The following SEMA6D variants were observed in gnomAD, a reference collection of about 807,000 sequenced individuals.
The protein encoded by SEMA6D is semaphorin-6D.
SEMA6D carries 35 observed loss-of-function variants against 106.6 expected under a neutral mutation model. The ratio of observed to expected loss-of-function variants is 0.33; its 90% CI spans 0.25 to 0.44. The LOEUF (loss-of-function observed/expected upper bound fraction) is 0.44. Among genes scored for constraint, SEMA6D ranks in the 20% least tolerant of loss-of-function variants. The pLI is 1.00. For synonymous variants in SEMA6D, 499 were observed against 487.7 expected, an observed-to-expected ratio of 1.02 and a Z score of -0.31; for missense variants, 1,185 against 1,345.9, an observed-to-expected ratio of 0.88 and a Z score of 1.87.
At chr15:47,689,099 C>G (rs548026484) in intron 4 of SEMA6D, among the ~76,000 whole-genome samples, 26 of 152,134 alleles carry the variant, frequency 1.7e-4, no homozygotes, top group African/African-American at 5.8e-4. Context: ...TACAGTAATG[C>G]CCTTCCCATA....
At chr15:47,296,988 G>T (rs75474152) in intron 1 of SEMA6D, among the ~76,000 whole-genome samples, 4,298 of 152,026 alleles carry the variant, frequency 0.028, 78 homozygotes, top group Middle Eastern at 0.054. Context: ...TCTTCCCCCC[G>T]CAAAACAGTT....
intron 2 of SEMA6D, among the ~76,000 whole-genome samples, chr15:47,451,492 G>A (rs1324776230): frequency 6.6e-6 from 1 of 151,980 alleles, no homozygotes; most frequent in East Asian, 1.9e-4. Flanking sequence ...ATAAATATAA[G>A]TGCTGGATGG....
chr15:47,398,499 G>A (rs548008674), intron 1 of SEMA6D, among the ~76,000 whole-genome samples: 1 of 152,300 alleles, frequency 6.6e-6, no homozygotes, highest in East Asian at 1.9e-4. Flanking sequence ...CAGGGTTTTG[G>A]GAGGGGGATG....
intron 4 of SEMA6D, among the ~76,000 whole-genome samples, chr15:47,604,435 C>T (rs960981212): frequency 1.3e-5 from 2 of 152,144 alleles, no homozygotes; most frequent in Non-Finnish European, 2.9e-5. Context: ...GGGTATCCTT[C>T]CACTACTTAT....
At chr15:47,287,364 T>C (rs2035412691) in intron 1 of SEMA6D, among the ~76,000 whole-genome samples, 1 of 152,204 alleles carries the variant, frequency 6.6e-6, no homozygotes, top group South Asian at 2.1e-4. Context: ...ATATAGTCTT[T>C]GAAGGAAAAG....
intron 1 of SEMA6D, among the ~76,000 whole-genome samples, chr15:47,305,369 G>A (rs1014126443): frequency 6.6e-5 from 10 of 152,274 alleles, no homozygotes; most frequent in African/African-American, 1.9e-4. Context: ...GAGCAATGTG[G>A]CATTGACTAT....
chr15:47,673,387 A>G (rs981525973), intron 4 of SEMA6D, among the ~76,000 whole-genome samples: 1 of 152,178 alleles, frequency 6.6e-6, no homozygotes, highest in Non-Finnish European at 1.5e-5. Context: ...CAGAATCAAC[A>G]TGAGCTGAAA....
Position 47,771,605 on chromosome 15 carries a change from A to C in SEMA6D, c.3042A>C (p.Gly1014=). The C allele has an allele frequency of 6.2e-7, 1 of 1,614,118 alleles. No individual in the cohort carries two copies. The highest frequency in any genetic ancestry group is 2.2e-5 in the East Asian group (1 of 44,872). Residue 1014 remains glycine, a synonymous_variant, in exon 19 of 19, where the codon GGA becomes GGC. Transcript: ENST00000536845. ...GGGCGAAGGTGGACTATATTCAGGGAACACCAGTGAGTGTTCATCTGCAGC... is the reference window on the plus strand; with the variant it reads ...GGGCGAAGGTGGACTATATTCAGGGCACACCAGTGAGTGTTCATCTGCAGC... ...PTGAKVDYIQ[G]TPVSVHLQPS... is the part of the protein sequence containing the mutation.
At chr15:47,387,596 CT>C (rs1374697807) in intron 1 of SEMA6D, among the ~76,000 whole-genome samples, 1 of 152,156 alleles carries the variant, frequency 6.6e-6, no homozygotes, top group East Asian at 1.9e-4. Flanking sequence ...TTTATTTCTT[CT>C]AATTATATGA....
At chr15:47,460,992 C>T (rs577279486) in intron 2 of SEMA6D, among the ~76,000 whole-genome samples, 2 of 152,228 alleles carry the variant, frequency 1.3e-5, no homozygotes, top group East Asian at 3.9e-4. Flanking sequence ...CCTACTTCCT[C>T]TTCCTGCTTC....
chr15:47,201,498 A>G (rs906206255), intron 1 of SEMA6D, among the ~76,000 whole-genome samples: 9 of 152,212 alleles, frequency 5.9e-5, no homozygotes, highest in Admixed American at 3.3e-4. Context: ...TCAGAAGGAT[A>G]GTTTTAATAA....
At chr15:47,748,130 G>A (rs1018891011) in intron 1 of SEMA6D, among the ~76,000 whole-genome samples, 22 of 152,180 alleles carry the variant, frequency 1.4e-4, no homozygotes, top group African/African-American at 5.3e-4. Context: ...GTGAAAAGAG[G>A]CATCTGTTGC....
intron 1 of SEMA6D, among the ~76,000 whole-genome samples, chr15:47,324,838 A>G (rs2037063439): frequency 6.6e-6 from 1 of 151,998 alleles, no homozygotes; most frequent in East Asian, 1.9e-4. Flanking sequence ...TGTAAGATAC[A>G]CTGTTCTGTA....
chr15:47,245,891 G>A (rs895102378), intron 1 of SEMA6D, among the ~76,000 whole-genome samples: 12 of 152,116 alleles, frequency 7.9e-5, no homozygotes, highest in Admixed American at 4.6e-4. Flanking sequence ...AATGGTGTGA[G>A]TGGAGAGGAT....
At chr15:47,455,401 T>A (rs2042318007) in intron 2 of SEMA6D, among the ~76,000 whole-genome samples, 1 of 151,996 alleles carries the variant, frequency 6.6e-6, no homozygotes, top group Non-Finnish European at 1.5e-5. Context: ...TTCACAAAAT[T>A]TTTGGAAAAT....
intron 1 of SEMA6D, among the ~76,000 whole-genome samples, chr15:47,366,710 T>C (rs1595838979): frequency 1.3e-5 from 2 of 151,056 alleles, no homozygotes; most frequent in Admixed American, 1.3e-4. Flanking sequence ...TAAAAAGACG[T>C]AAGTTTATAA....
intron 1 of SEMA6D, chr15:47,275,054 A>G (rs1048580922): frequency 6.6e-6 from 1 of 152,166 alleles, no homozygotes. Context: ...AGAGTAGGAA[A>G]ATAGACAAAG....
intron 2 of SEMA6D, among the ~76,000 whole-genome samples, chr15:47,436,541 T>A (rs1430921775): frequency 6.6e-6 from 1 of 150,648 alleles, no homozygotes; most frequent in East Asian, 1.9e-4. Flanking sequence ...ATATATATAT[T>A]TTATATATTT....
chr15:47,339,795 G>C (rs1161458332), intron 1 of SEMA6D, among the ~76,000 whole-genome samples: 1 of 152,016 alleles, frequency 6.6e-6, no homozygotes, highest in African/African-American at 2.4e-5. Flanking sequence ...GGAGGTGGAG[G>C]TTGTAGTGAG....
Sources: allele counts gnomAD v4.1 joint callset (sites outside exome capture counted in the v4.1 genomes callset), GRCh38; gene constraint gnomAD v4.1.1; transcripts MANE v1.5; gene names NCBI Gene and HGNC (gene_info 2026-07-23, HGNC 2026-07-21).